Variants in PPFIBP1 observed in about 807,000 individuals in gnomAD.
The protein encoded by PPFIBP1 is PPFIB scaffold protein 1.
Under a neutral mutation model 137.8 loss-of-function variants are expected in PPFIBP1, and 112 were observed. That is an observed-to-expected ratio of 0.81 (90% CI 0.70 to 0.95). PPFIBP1 has a LOEUF of 0.95. PPFIBP1 is among the 40% of genes least tolerant of loss of function. PPFIBP1 has a pLI of 0.00. For synonymous variants in PPFIBP1, 378 were observed against 417.3 expected (o/e 0.91, Z 1.15); for missense variants, 1,083 against 1,196.6 (o/e 0.91, Z 1.40).
At chr12:27,582,512 A>G (rs1489993078) in intron 2 of PPFIBP1, among the ~76,000 whole-genome samples, 2 of 152,168 alleles carry the variant, frequency 1.3e-5, no homozygotes, top group African/African-American at 2.4e-5. Context: ...GGGGGAAGGC[A>G]TTTCAATAGT....
At chr12:27,680,476 C>T (rs2060812685) in intron 21 of PPFIBP1, among the ~76,000 whole-genome samples, 1 of 152,142 alleles carries the variant, frequency 6.6e-6, no homozygotes, top group Admixed American at 6.5e-5. Flanking sequence ...CAACAGCTTC[C>T]ACACCCTGTG....
chr12:27,638,736 A>C (rs1162374615), intron 4 of PPFIBP1, among the ~76,000 whole-genome samples: 1 of 152,218 alleles, frequency 6.6e-6, no homozygotes, highest in African/African-American at 2.4e-5. Flanking sequence ...ACCCATACAT[A>C]GTTCACTTCT....
At chr12:27,692,739 AT>A in intron 29 of PPFIBP1, 56 bp from the exon 30 acceptor site, 1 of 1,613,970 alleles carries the variant, frequency 6.2e-7, no homozygotes, top group South Asian at 1.1e-5. Flanking sequence ...CTCTTGGAGA[AT>A]GTGTAGCTCT....
In PPFIBP1 at chr12:27,578,228, C is replaced by T. The variant is rs1317013114; in HGVS notation, c.-47C>T. ...CTGAAATAAATCAGCTTTAAACCTG[C>T]TTTTTAAAAATGTAAGTGAACTCAC... On this transcript the variant is annotated 5_prime_UTR_variant, in exon 2 of 30. Coordinates refer to ENST00000228425, the MANE Select transcript of PPFIBP1 (RefSeq NM_003622.4). The T allele has an allele frequency of 6.6e-6, 1 of 152,116 alleles. No homozygotes were observed. The highest frequency in any genetic ancestry group is 1.9e-4 in the East Asian group (1 of 5,196). The allele number at this position is 152,116 out of a possible 1,614,324, so 9.4% of individuals were successfully genotyped here.
intron 1 of PPFIBP1, among the ~76,000 whole-genome samples, chr12:27,527,599 A>C (rs1943916653): frequency 6.6e-6 from 1 of 152,162 alleles, no homozygotes; most frequent in African/African-American, 2.4e-5. Flanking sequence ...TACCTTTTCA[A>C]AACGATGAAG....
At chr12:27,570,746 G>A (rs1159587583) in intron 1 of PPFIBP1, among the ~76,000 whole-genome samples, 1 of 151,048 alleles carries the variant, frequency 6.6e-6, no homozygotes, top group Non-Finnish European at 1.5e-5. Context: ...CTGTCTCTAC[G>A]AAAAATACAA....
intron 2 of PPFIBP1, chr12:27,593,695 TC>T: frequency 1.7e-6 from 1 of 588,582 alleles, no homozygotes; most frequent in Non-Finnish European, 3.1e-6. Flanking sequence ...AACTTGTTTA[TC>T]CACAGGTTGG....
rs1470538845 is a variant in PPFIBP1 at position 27,677,184 on chromosome 12, G to A, written c.1615+88G>A. The A allele has an allele frequency of 2.7e-6, 4 of 1,491,376 alleles. No individual in the cohort carries two copies. The East Asian group carries it at 9.1e-5, about 34-fold the overall frequency. 92.4% of individuals were successfully genotyped at this position (1,491,376 alleles called of 1,614,324 possible). A position where few individuals can be genotyped will look rare whatever the true frequency, so the allele number is the denominator to read the frequency against. On this transcript the variant is annotated intron_variant, in intron 19 of 29. Coordinates refer to ENST00000228425, the MANE Select transcript of PPFIBP1 (RefSeq NM_003622.4). Reference sequence around the variant, plus strand: ...TCTTGGCATCTGTGATCTCTAGAAAGCGATCTGACAGCAATCAGAAAATGT... The same window carrying A: ...TCTTGGCATCTGTGATCTCTAGAAAACGATCTGACAGCAATCAGAAAATGT...
chr12:27,627,739 T>G (rs917042433), intron 2 of PPFIBP1, among the ~76,000 whole-genome samples: 1 of 152,084 alleles, frequency 6.6e-6, no homozygotes, highest in Non-Finnish European at 1.5e-5. Flanking sequence ...CCTTGATATT[T>G]TACCCCATTC....
intron 27 of PPFIBP1, 143 bp downstream of exon 27, chr12:27,689,346 G>A: frequency 1.5e-6 from 1 of 660,198 alleles, no homozygotes; most frequent in Non-Finnish European, 2.4e-6. Context: ...TCAGCGCTTA[G>A]TTGTCTTGGG....
chr12:27,689,338 A>G, intron 27 of PPFIBP1, 135 bp downstream of exon 27: 1 of 705,862 alleles, frequency 1.4e-6, no homozygotes, highest in Non-Finnish European at 2.2e-6. Flanking sequence ...AGGAATCCTC[A>G]GCGCTTAGTT....
At chr12:27,597,802 G>GTATT (rs1340032307) in intron 2 of PPFIBP1, among the ~76,000 whole-genome samples, 1 of 151,970 alleles carries the variant, frequency 6.6e-6, no homozygotes, top group Non-Finnish European at 1.5e-5. Context: ...ATTTATTTAT[G>GTATT]TATTTATTTA....
chr12:27,664,308 C>G (rs1380968216), intron 11 of PPFIBP1, 54 bp from the exon 12 acceptor site: 3 of 1,147,984 alleles, frequency 2.6e-6, no homozygotes, highest in Non-Finnish European at 3.9e-6. Context: ...TATGGAATTA[C>G]TATTACTCTT....
chr12:27,596,394 G>C (rs1446385623), intron 2 of PPFIBP1, among the ~76,000 whole-genome samples: 2 of 152,210 alleles, frequency 1.3e-5, no homozygotes, highest in Admixed American at 6.5e-5. Flanking sequence ...CTACCCAATA[G>C]ATGCAGCCTG....
At chr12:27,622,248 A>G (rs536177772) in intron 2 of PPFIBP1, among the ~76,000 whole-genome samples, 1 of 151,318 alleles carries the variant, frequency 6.6e-6, no homozygotes, top group South Asian at 2.1e-4. Flanking sequence ...ACCTACTCCC[A>G]AGACACCTGG....
chr12:27,671,381 C>T, intron 13 of PPFIBP1, 50 bp from the exon 14 acceptor site: 2 of 1,031,412 alleles, frequency 1.9e-6, no homozygotes, highest in Non-Finnish European at 2.9e-6. Context: ...TACTCTGTGG[C>T]TTGTGTTTTG....
chr12:27,644,750 G>A (rs1244631477), intron 4 of PPFIBP1, among the ~76,000 whole-genome samples: 1 of 152,154 alleles, frequency 6.6e-6, no homozygotes, highest in African/African-American at 2.4e-5. Context: ...TAATTGTAGA[G>A]GTATGTGGCA....
At chr12:27,531,237 A>G (rs1054415530) in intron 1 of PPFIBP1, among the ~76,000 whole-genome samples, 1 of 152,186 alleles carries the variant, frequency 6.6e-6, no homozygotes, top group African/African-American at 2.4e-5. Flanking sequence ...CATCTATAAA[A>G]TGGTAGCTCT....
At chr12:27,593,764 CCCAGG>C (rs1442066167) in intron 2 of PPFIBP1, 2 of 753,628 alleles carry the variant, frequency 2.7e-6, no homozygotes, top group African/African-American at 3.6e-5. Context: ...ACGTCCATGT[CCCAGG>C]CCAGGAAGAT....
Sources: gnomAD v4.1 joint callset for allele counts (sites outside exome capture counted in the v4.1 genomes callset) on GRCh38, gnomAD v4.1.1 for gene constraint, MANE v1.5 for transcripts, NCBI Gene and HGNC (gene_info 2026-07-23, HGNC 2026-07-21) for gene names.